SMC2: variants seen among roughly 807,000 people sequenced by gnomAD.
SMC2 encodes the protein structural maintenance of chromosomes protein 2.
In SMC2, 41 loss-of-function variants were observed where a neutral mutation model predicts 142.6. The observed-to-expected ratio is 0.29, with a 90% CI of 0.22 to 0.37. The LOEUF is 0.37. Among genes scored for constraint, SMC2 ranks in the 10% least tolerant of loss-of-function variants. SMC2 has a pLI of 1.00. For missense variants in SMC2, 1,265 were observed against 1,373.7 expected (o/e 0.92, Z 1.25); for synonymous variants, 463 against 457.5 (o/e 1.01, Z -0.15).
At chr9:104,092,703 AC>A (rs1407011788), upstream of SMC2, 3 of 152,168 alleles carry the variant, frequency 2.0e-5, no homozygotes, top group African/African-American at 7.2e-5. Flanking sequence ...TAAACAAAAA[AC>A]CCATACAACT....
chr9:104,125,892 C>G (rs1834214533), intron 18 of SMC2, among the ~76,000 whole-genome samples: 2 of 147,342 alleles, frequency 1.4e-5, no homozygotes, highest in East Asian at 1.9e-4. Flanking sequence ...TTAGCCCACT[C>G]TAAGATTCTT....
intron 13 of SMC2, among the ~76,000 whole-genome samples, chr9:104,115,622 T>C (rs1833012118): frequency 6.6e-6 from 1 of 152,068 alleles, no homozygotes; most frequent in Admixed American, 6.6e-5. Context: ...CAAGATGTTT[T>C]GATACATATA....
At chr9:104,123,269 T>C (rs779560547) in intron 17 of SMC2, 37 bp downstream of exon 17, 1 of 1,597,430 alleles carries the variant, frequency 6.3e-7, no homozygotes, top group Non-Finnish European at 8.5e-7. Flanking sequence ...TCTCTGGTTT[T>C]ATTCATATCC....
At chr9:104,094,275 A>C (rs1212906852), upstream of SMC2, 1 of 398,512 alleles carries the variant, frequency 2.5e-6, no homozygotes, top group Non-Finnish European at 4.4e-6. Flanking sequence ...GAAATAAGCA[A>C]TGGAGGTGGG....
At position 104,141,361 on chromosome 9, in the gene SMC2, T is replaced by C. The variant is rs1405913123; in HGVS notation, c.*2046T>C. ...TCAGTCTCCAGAACCTAAGATATAC[T>C]ACGTCACTGACAGCTTGAACATTTG... is the stretch of plus-strand genomic sequence containing the variant. On this transcript the variant is annotated 3_prime_UTR_variant, in exon 25 of 25. Coordinates refer to ENST00000374793, the MANE Select transcript of SMC2 (RefSeq NM_006444.3). 6.6e-6 allele frequency: 1 copy of C among 152,192 alleles called. No homozygotes were observed. The highest frequency in any genetic ancestry group is 2.4e-5 in the African/African-American group (1 of 41,444). The allele number at this position is 152,192 out of a possible 1,614,324, so 9.4% of individuals were successfully genotyped here.
chr9:104,099,323 T>C (rs956981851), intron 4 of SMC2, among the ~76,000 whole-genome samples: 1 of 152,134 alleles, frequency 6.6e-6, no homozygotes, highest in Admixed American at 6.5e-5. Context: ...TGAAATTTCT[T>C]TTTATATTTA....
rs549604035 is a variant in SMC2 at position 104,101,953 on chromosome 9, C to G, written c.637-7C>G. ...GAGTTATTCTTTTTTTGTGATTTCTCTTTCAGGAAAGATCGTCCTACTTGG... is the reference window on the plus strand; with the variant it reads ...GAGTTATTCTTTTTTTGTGATTTCTGTTTCAGGAAAGATCGTCCTACTTGG... On this transcript the variant is annotated splice_region_variant and splice_polypyrimidine_tract_variant and intron_variant, in intron 7 of 24. Transcript: ENST00000374793. 5.4e-6 allele frequency: 8 copies of G among 1,492,104 alleles called. No homozygotes were observed. The highest frequency in any genetic ancestry group is 7.3e-6 in the Non-Finnish European group (8 of 1,100,284). The allele number at this position is 1,492,104 out of a possible 1,614,324, so 92.4% of individuals were successfully genotyped here.
intron 23 of SMC2, among the ~76,000 whole-genome samples, chr9:104,137,117 C>G (rs1056933939): frequency 1.3e-5 from 2 of 152,004 alleles, no homozygotes; most frequent in Non-Finnish European, 2.9e-5. Context: ...TACTGCACTT[C>G]ATCCGGGGTG....
intron 23 of SMC2, 55 bp downstream of exon 23, chr9:104,134,630 CT>C: frequency 8.2e-7 from 1 of 1,214,424 alleles, no homozygotes; most frequent in South Asian, 1.7e-5. Flanking sequence ...TATAATTCAT[CT>C]CCTTACCTTA....
intron 9 of SMC2, among the ~76,000 whole-genome samples, chr9:104,110,849 T>C (rs1042918433): frequency 1.3e-5 from 2 of 152,212 alleles, no homozygotes; most frequent in Admixed American, 1.3e-4. Flanking sequence ...ATTGTTCCTA[T>C]CACTCTATTC....
chr9:104,137,990 TA>T (rs1564123708), intron 23 of SMC2, 27 bp from the exon 24 acceptor site: 8 of 1,505,312 alleles, frequency 5.3e-6, no homozygotes, highest in Non-Finnish European at 7.2e-6. Flanking sequence ...ATCAAATTTT[TA>T]TGGCTTTTCT....
At chr9:104,126,593 C>T (rs1834316724) in intron 18 of SMC2, 48 bp from the exon 19 acceptor site, 1 of 1,415,204 alleles carries the variant, frequency 7.1e-7, no homozygotes, top group Non-Finnish European at 9.7e-7. Context: ...ATTTGTTTTT[C>T]AGTAGTTAAT....
At chr9:104,134,620 T>TA (rs1363187450) in intron 23 of SMC2, 45 bp downstream of exon 23, 1 of 1,169,290 alleles carries the variant, frequency 8.6e-7, no homozygotes, top group Admixed American at 2.3e-5. Context: ...TCCTCTTTAT[T>TA]ATAATTCATC....
intron 16 of SMC2, among the ~76,000 whole-genome samples, chr9:104,122,308 G>GCCATTGTTT (rs1470028905): frequency 6.6e-6 from 1 of 152,156 alleles, no homozygotes; most frequent in African/African-American, 2.4e-5. Flanking sequence ...ATCAGCTAAA[G>GCCATTGTTT]CCATTGTTTC....
At position 104,129,093 on chromosome 9, in the gene SMC2, C is replaced by T. The variant is rs1228311746; in HGVS notation, c.2791-552C>T. Among the ~76,000 whole-genome samples, 8 of 152,260 alleles carry T rather than the reference C, an allele frequency of 5.3e-5. No individual in the cohort carries two copies. The East Asian group carries it at 1.4e-3, about 26-fold the overall frequency. On this transcript the variant is annotated intron_variant, in intron 20 of 24. Coordinates refer to ENST00000374793, the MANE Select transcript of SMC2 (RefSeq NM_006444.3). ...TCGTAAAAATTTCTCTGTGAGTTGG[C>T]TCTTCTAATGCCAAAGTAATAGGAA... is the stretch of plus-strand genomic sequence containing the variant.
intron 3 of SMC2, among the ~76,000 whole-genome samples, chr9:104,097,235 T>C (rs1830541592): frequency 6.7e-6 from 1 of 148,860 alleles, no homozygotes; most frequent in Non-Finnish European, 1.5e-5. Flanking sequence ...TAGCTGGGAC[T>C]ACAGGTGCCC....
At position 104,101,906 on chromosome 9, in the gene SMC2, ATTTTT is replaced by A. The variant is rs201044092; in HGVS notation, c.637-48_637-44del. 4 of 1,086,566 alleles carry A rather than the reference ATTTTT, an allele frequency of 3.7e-6. No individual in the cohort carries two copies. The African/African-American group carries it at 6.4e-5, about 17-fold the overall frequency. 67.3% of individuals were successfully genotyped at this position (1,086,566 alleles called of 1,614,324 possible). A position where few individuals can be genotyped will look rare whatever the true frequency, so the allele number is the denominator to read the frequency against. On this transcript the variant is annotated intron_variant, in intron 7 of 24. Coordinates refer to ENST00000374793, the MANE Select transcript of SMC2 (RefSeq NM_006444.3). ...AATTTGTTTCATCTTGCATAATTGA[ATTTTT>A]TTTTTAATACAATTTTGAGTTATTC...
Position 104,129,718 on chromosome 9 carries a change from A to G in SMC2, c.2864A>G (p.Tyr955Cys), listed in dbSNP as rs1587990467. ...RHLFGQPNSA[Y>C]DFKTNNPKEA... ...CTCTTTGGCCAACCCAATAGTGCCT[A>G]TGATTTCAAAACTAACAACCCTAAA... is the stretch of plus-strand genomic sequence containing the variant. Residue 955 changes from tyrosine (Y) to cysteine (C), a missense_variant, in exon 21 of 25, where the codon TAT becomes TGT. Coordinates refer to ENST00000374793, the MANE Select transcript of SMC2 (RefSeq NM_006444.3). 31 of 1,613,920 alleles carry G rather than the reference A, an allele frequency of 1.9e-5. No individual in the cohort carries two copies. Among genetic ancestry groups the G allele is most frequent in the East Asian group, 2.2e-5 (1 of 44,866 alleles).
At chr9:104,118,891 G>C (rs1476521500) in intron 15 of SMC2, among the ~76,000 whole-genome samples, 1 of 152,084 alleles carries the variant, frequency 6.6e-6, no homozygotes, top group East Asian at 1.9e-4. Context: ...TATTCTATGG[G>C]CTTTAAATAA....
Sources: gnomAD v4.1 joint callset for allele counts (sites outside exome capture counted in the v4.1 genomes callset) on GRCh38, gnomAD v4.1.1 for gene constraint, MANE v1.5 for transcripts, NCBI Gene and HGNC (gene_info 2026-07-23, HGNC 2026-07-21) for gene names.